The following EVI5 variants were observed in gnomAD, a reference collection of about 807,000 sequenced individuals.
The protein encoded by EVI5 is ecotropic viral integration site 5 protein homolog.
A neutral mutation model predicts 112.0 loss-of-function variants in EVI5; 73 were observed. That is an observed-to-expected ratio of 0.65 (90% CI 0.54 to 0.79). The LOEUF is 0.79. Among genes scored for constraint, EVI5 ranks in the 30% least tolerant of loss-of-function variants. EVI5 has a pLI of 0.00. For missense variants in EVI5, 900 were observed against 968.8 expected (o/e 0.93, Z 0.94); for synonymous variants, 305 against 319.9 (o/e 0.95, Z 0.50).
intron 18 of EVI5, among the ~76,000 whole-genome samples, chr1:92,586,497 A>ATT (rs1294358891): frequency 6.8e-6 from 1 of 146,874 alleles, no homozygotes; most frequent in Non-Finnish European, 1.5e-5. Flanking sequence ...ATACTTCAAA[A>ATT]TTTTTTTTTT....
At chr1:92,783,638 C>T (rs543780322) in intron 1 of EVI5, among the ~76,000 whole-genome samples, 170 of 150,594 alleles carry the variant, frequency 1.1e-3, no homozygotes, top group African/African-American at 4.0e-3. Flanking sequence ...ATGGTGAAAC[C>T]TCATCTCTAC....
chr1:92,674,141 T>C (rs1666328745), intron 10 of EVI5, among the ~76,000 whole-genome samples: 1 of 152,104 alleles, frequency 6.6e-6, no homozygotes, highest in African/African-American at 2.4e-5. Context: ...GGAGTGTGTG[T>C]AAGAAGTAGC....
In EVI5 at chr1:92,778,235, G is replaced by T. The variant is rs138706423; in HGVS notation, c.-82+6601C>A. Reference sequence around the variant, plus strand: ...GATGGCCAAATTCTAAGCCAGCAATGCTGACAACTAAGAACAAACCGGTTT... The same window carrying T: ...GATGGCCAAATTCTAAGCCAGCAATTCTGACAACTAAGAACAAACCGGTTT... On this transcript the variant is annotated intron_variant, in intron 1 of 19. Transcript: ENST00000684568. 1.6e-3 allele frequency among the ~76,000 whole-genome samples: 247 copies of T among 152,208 alleles called. 1 individual carries two copies. Among genetic ancestry groups the T allele is most frequent in the Admixed American group, 3.5e-3 (53 of 15,274 alleles).
At chr1:92,787,587 A>C (rs1685730707), upstream of EVI5, among the ~76,000 whole-genome samples, 1 of 152,122 alleles carries the variant, frequency 6.6e-6, no homozygotes, top group Non-Finnish European at 1.5e-5. Context: ...AATACAAAAA[A>C]AAATTTAGAC....
At chr1:92,771,830 T>A (rs1683449920) in intron 1 of EVI5, among the ~76,000 whole-genome samples, 1 of 151,448 alleles carries the variant, frequency 6.6e-6, no homozygotes, top group South Asian at 2.1e-4. Flanking sequence ...ATTCCAAGTC[T>A]TATACCCCAC....
chr1:92,554,536 T>G lies in EVI5; in HGVS notation c.2166+9106A>C, dbSNP rs534402057. 1.3e-4 allele frequency among the ~76,000 whole-genome samples: 20 copies of G among 152,334 alleles called. 1 individual carries two copies. The highest frequency in any genetic ancestry group is 4.8e-4 in the African/African-American group (20 of 41,578). ...AAATCTCAGCTTTAAGTATTTTACA[T>G]AGCGCTATTGTTCCAAATATAAAAA... On this transcript the variant is annotated intron_variant, in intron 19 of 19. Transcript: ENST00000684568.
At chr1:92,517,292 G>T (rs1447378490) in intron 19 of EVI5, among the ~76,000 whole-genome samples, 1 of 152,166 alleles carries the variant, frequency 6.6e-6, no homozygotes, top group Admixed American at 6.5e-5. Flanking sequence ...ATCTAGAGAT[G>T]ACTCAAAGTA....
intron 13 of EVI5, among the ~76,000 whole-genome samples, chr1:92,640,349 A>C (rs1659697772): frequency 2.6e-5 from 4 of 152,218 alleles, no homozygotes; most frequent in Admixed American, 2.6e-4. Context: ...AAATTTTTGC[A>C]ATCTACCCAT....
At chr1:92,522,843 G>A (rs1661203250) in intron 19 of EVI5, among the ~76,000 whole-genome samples, 1 of 152,066 alleles carries the variant, frequency 6.6e-6, no homozygotes, top group South Asian at 2.1e-4. Flanking sequence ...CCGCATCTTT[G>A]AACTCCTGGG....
intron 18 of EVI5, among the ~76,000 whole-genome samples, chr1:92,595,707 G>C (rs1179208207): frequency 6.6e-6 from 1 of 152,104 alleles, no homozygotes; most frequent in Non-Finnish European, 1.5e-5. Context: ...TATATGTCGG[G>C]GTAACTGGGA....
rs183553779 is a variant in EVI5 at position 92,783,094 on chromosome 1, C to T, written c.-82+1742G>A. Among the ~76,000 whole-genome samples, 845 of 152,192 alleles carry T rather than the reference C, an allele frequency of 5.6e-3. 2 individuals carry two copies. The highest frequency in any genetic ancestry group is 6.9e-3 in the Non-Finnish European group (472 of 68,002). On this transcript the variant is annotated intron_variant, in intron 1 of 19. Coordinates refer to ENST00000684568, the MANE Select transcript of EVI5 (RefSeq NM_001350197.2). The stretch of plus-strand genomic sequence containing the variant: ...CCTCTGCCTCCCAAAATGCTAGGAT[C>T]ACATGCGTGAGCCACCGCACCCAGA...
chr1:92,596,910 A>C (rs1426017674), intron 18 of EVI5, among the ~76,000 whole-genome samples: 1 of 152,198 alleles, frequency 6.6e-6, no homozygotes, highest in African/African-American at 2.4e-5. Context: ...TACAATATTG[A>C]ATGTGACTTT....
intron 16 of EVI5, among the ~76,000 whole-genome samples, chr1:92,617,623 C>A (rs1427304247): frequency 6.6e-6 from 1 of 152,218 alleles, no homozygotes; most frequent in Non-Finnish European, 1.5e-5. Context: ...TGGATTTCCA[C>A]TCACCAAGGC....
chr1:92,788,501 C>CAAAACA (rs1553278938), upstream of EVI5, among the ~76,000 whole-genome samples: 1 of 144,526 alleles, frequency 6.9e-6, no homozygotes, highest in African/African-American at 2.7e-5. Context: ...CAAAACAAAA[C>CAAAACA]AAAAAAAAAA....
chr1:92,714,423 A>T (rs1292836154), intron 2 of EVI5, among the ~76,000 whole-genome samples: 1 of 152,172 alleles, frequency 6.6e-6, no homozygotes, highest in African/African-American at 2.4e-5. Flanking sequence ...TGTATCTCAT[A>T]ATTTTTACTT....
chr1:92,788,411 T>TTGCA (rs767571452), upstream of EVI5, among the ~76,000 whole-genome samples: 31 of 150,500 alleles, frequency 2.1e-4, no homozygotes, highest in Non-Finnish European at 1.6e-4. Flanking sequence ...GGGGCGGAGG[T>TTGCA]TGCAGTGAGC....
intron 18 of EVI5, among the ~76,000 whole-genome samples, chr1:92,573,853 T>C (rs1242885656): frequency 3.9e-5 from 6 of 152,072 alleles, no homozygotes; most frequent in Admixed American, 6.6e-5. Flanking sequence ...AAATTCCACA[T>C]ATATGACTTC....
In EVI5 at chr1:92,591,725, C is replaced by A. The variant is rs368458124; in HGVS notation, c.2070+13582G>T. ...CGAGACAGAAAGTTAACAAGGATAT[C>A]CAGGAATTGAACTCAGCTCTGCACC... On this transcript the variant is annotated intron_variant, in intron 18 of 19. Coordinates refer to ENST00000684568, the MANE Select transcript of EVI5 (RefSeq NM_001350197.2). Among the ~76,000 whole-genome samples, 110 of 152,228 alleles carry A rather than the reference C, an allele frequency of 7.2e-4. 1 individual carries two copies. In the East Asian group the frequency reaches 0.016, roughly 22 times the overall value.
At chr1:92,643,022 C>T (rs931607572) in intron 13 of EVI5, among the ~76,000 whole-genome samples, 18 of 152,178 alleles carry the variant, frequency 1.2e-4, no homozygotes, top group African/African-American at 4.1e-4. Context: ...TTAAATGGAT[C>T]AAGCTAGACT....
Sources: gnomAD v4.1 joint callset for allele counts (sites outside exome capture counted in the v4.1 genomes callset) on GRCh38, gnomAD v4.1.1 for gene constraint, MANE v1.5 for transcripts, NCBI Gene and HGNC (gene_info 2026-07-23, HGNC 2026-07-21) for gene names.